Variants in RPS6KC1 observed in about 807,000 individuals in gnomAD.
RPS6KC1 encodes inactive ribosomal protein S6 kinase delta-1.
RPS6KC1 carries 54 observed loss-of-function variants against 103.8 expected under a neutral mutation model. That is an observed-to-expected ratio of 0.52 (90% CI 0.42 to 0.65). RPS6KC1 has a LOEUF of 0.65. Among genes scored for constraint, RPS6KC1 ranks in the 30% least tolerant of loss-of-function variants. The pLI is 0.00. For synonymous variants in RPS6KC1, 439 were observed against 438.7 expected, an observed-to-expected ratio of 1.00 and a Z score of -0.01; for missense variants, 1,151 against 1,253.8, an observed-to-expected ratio of 0.92 and a Z score of 1.24.
chr1:213,396,674 GCT>G, the RPS6KC1 span, among the ~76,000 whole-genome samples: 1 of 152,212 alleles, frequency 6.6e-6, no homozygotes. Flanking sequence ...GTCTGTACAT[GCT>G]CTCCTCTGTG....
the RPS6KC1 span, among the ~76,000 whole-genome samples, chr1:213,683,722 A>G: frequency 6.6e-6 from 1 of 152,084 alleles, no homozygotes; most frequent in African/African-American, 2.4e-5. Flanking sequence ...CCCACCCACT[A>G]GGGACCTTGG....
At chr1:213,125,257 C>T (rs993803034) in intron 5 of RPS6KC1, among the ~76,000 whole-genome samples, 1 of 151,996 alleles carries the variant, frequency 6.6e-6, no homozygotes, top group Non-Finnish European at 1.5e-5. Flanking sequence ...ATTAAGTATA[C>T]ATACTCATTT....
the RPS6KC1 span, among the ~76,000 whole-genome samples, chr1:213,439,045 C>T: frequency 9.3e-4 from 142 of 151,962 alleles, 1 homozygote; most frequent in Non-Finnish European, 1.3e-3. Flanking sequence ...CCACCCGCCT[C>T]GGCCTCCCAA....
intron 5 of RPS6KC1, 99 bp downstream of exon 5, chr1:213,117,509 A>G (rs961143150): frequency 9.4e-6 from 6 of 639,668 alleles, no homozygotes; most frequent in Non-Finnish European, 1.6e-5. Context: ...TAGGAATTTG[A>G]GGGTATTTCA....
the RPS6KC1 span, among the ~76,000 whole-genome samples, chr1:213,283,015 A>G: frequency 8.5e-5 from 13 of 152,212 alleles, no homozygotes; most frequent in African/African-American, 3.1e-4. Flanking sequence ...ATTGGAAACT[A>G]GATGGTTGTA....
chr1:213,740,621 A>C, the RPS6KC1 span, among the ~76,000 whole-genome samples: 2,823 of 149,370 alleles, frequency 0.019, 122 homozygotes, highest in African/African-American at 0.066. Flanking sequence ...ACATATATAT[A>C]TCTCAGATAT....
chr1:213,440,783 T>C, the RPS6KC1 span, among the ~76,000 whole-genome samples: 1 of 152,092 alleles, frequency 6.6e-6, no homozygotes, highest in Non-Finnish European at 1.5e-5. Flanking sequence ...ATACTGATAA[T>C]GGCTACATTT....
the RPS6KC1 span, among the ~76,000 whole-genome samples, chr1:213,753,670 A>T: frequency 6.6e-6 from 1 of 152,082 alleles, no homozygotes; most frequent in Non-Finnish European, 1.5e-5. Flanking sequence ...TTTTCCAGGT[A>T]CCTGTAGGAC....
the RPS6KC1 span, among the ~76,000 whole-genome samples, chr1:213,508,001 A>G: frequency 6.6e-6 from 1 of 152,220 alleles, no homozygotes; most frequent in Admixed American, 6.5e-5. Context: ...TGCTGAAACA[A>G]TGATTAGGAG....
the RPS6KC1 span, among the ~76,000 whole-genome samples, chr1:213,767,403 A>G: frequency 2.0e-5 from 3 of 151,894 alleles, no homozygotes; most frequent in African/African-American, 7.3e-5. Context: ...TTTCCTCCCC[A>G]TCTTCTGCTG....
chr1:213,614,692 T>C, the RPS6KC1 span, among the ~76,000 whole-genome samples: 2 of 152,176 alleles, frequency 1.3e-5, no homozygotes, highest in Non-Finnish European at 2.9e-5. Flanking sequence ...TTTTGAATGA[T>C]GGCAATGGGA....
rs1442648780 is a variant in RPS6KC1 at position 213,270,000 on chromosome 1, G to GT, written c.3091-2523dup. Among the ~76,000 whole-genome samples the GT allele has an allele frequency of 3.9e-5, 6 of 152,098 alleles. No individual in the cohort carries two copies. In the East Asian group the frequency reaches 1.2e-3, roughly 30 times the overall value. Reference sequence around the variant, plus strand: ...GATAGAAAACAGAAGAATAAGAAAAGTAAAACCACAAGGTAGTTCTTTGCA... The same window carrying GT: ...GATAGAAAACAGAAGAATAAGAAAAGTTAAAACCACAAGGTAGTTCTTTGCA... On this transcript the variant is annotated intron_variant, in intron 14 of 14. Coordinates refer to ENST00000366960, the MANE Select transcript of RPS6KC1 (RefSeq NM_012424.6).
intron 14 of RPS6KC1, among the ~76,000 whole-genome samples, chr1:213,270,173 A>C (rs2095013549): frequency 6.6e-6 from 1 of 152,218 alleles, no homozygotes; most frequent in African/African-American, 2.4e-5. Context: ...AAACCACGAT[A>C]GTTTTAAGAC....
intron 8 of RPS6KC1, among the ~76,000 whole-genome samples, chr1:213,184,063 A>C (rs1270352555): frequency 6.6e-6 from 1 of 152,188 alleles, no homozygotes; most frequent in African/African-American, 2.4e-5. Flanking sequence ...AAATAAATAG[A>C]TAATTTGAAT....
the RPS6KC1 span, among the ~76,000 whole-genome samples, chr1:213,405,201 A>G: frequency 1.3e-5 from 2 of 152,208 alleles, no homozygotes; most frequent in African/African-American, 4.8e-5. Context: ...AGGGCTACCC[A>G]TTTGGGCACT....
chr1:213,220,663 T>G (rs1222617767), intron 8 of RPS6KC1, among the ~76,000 whole-genome samples: 1 of 152,250 alleles, frequency 6.6e-6, no homozygotes, highest in Non-Finnish European at 1.5e-5. Context: ...AAAAGATGCT[T>G]TTGTATAATT....
At chr1:213,472,743 C>T in the RPS6KC1 span, among the ~76,000 whole-genome samples, 1 of 152,178 alleles carries the variant, frequency 6.6e-6, no homozygotes, top group Non-Finnish European at 1.5e-5. Context: ...AAAAAATTAA[C>T]ATGAATCTTT....
intron 3 of RPS6KC1, among the ~76,000 whole-genome samples, chr1:213,102,262 A>G (rs942701899): frequency 6.6e-6 from 1 of 152,126 alleles, no homozygotes; most frequent in Non-Finnish European, 1.5e-5. Context: ...TTGCTGTGTC[A>G]TTTTTTAATG....
chr1:213,612,802 C>T, the RPS6KC1 span, among the ~76,000 whole-genome samples: 2 of 152,210 alleles, frequency 1.3e-5, no homozygotes, highest in Admixed American at 6.5e-5. Context: ...TTCTAACATA[C>T]ATCATGAAGT....
Sources: allele counts gnomAD v4.1 joint callset (sites outside exome capture counted in the v4.1 genomes callset), GRCh38; gene constraint gnomAD v4.1.1; transcripts MANE v1.5; gene names NCBI Gene and HGNC (gene_info 2026-07-23, HGNC 2026-07-21).